Variants in PDZD2 observed in about 807,000 individuals in gnomAD.
PDZD2 encodes the protein PDZ domain-containing protein 2.
PDZD2 carries 90 observed loss-of-function variants against 220.7 expected under a neutral mutation model. The ratio of observed to expected loss-of-function variants is 0.41; its 90% CI spans 0.34 to 0.49. The LOEUF (loss-of-function observed/expected upper bound fraction) is 0.49, where lower values mean the gene tolerates loss of function less well. Among genes scored for constraint, PDZD2 ranks in the 20% least tolerant of loss-of-function variants. The pLI is 0.28. For synonymous variants in PDZD2, 1,375 were observed against 1,450.5 expected (o/e 0.95, Z 1.18); for missense variants, 3,174 against 3,608.5 (o/e 0.88, Z 3.08).
intron 1 of PDZD2, among the ~76,000 whole-genome samples, chr5:31,791,077 T>C (rs538124703): frequency 1.3e-5 from 2 of 152,248 alleles, no homozygotes; most frequent in South Asian, 4.1e-4. Context: ...GGTAATCACA[T>C]TTTTGCCAGC....
At position 32,074,398 on chromosome 5, in the gene PDZD2, C is replaced by T. The variant is rs2112405043; in HGVS notation, c.3292C>T (p.Pro1098Ser). The T allele has an allele frequency of 1.9e-6, 3 of 1,614,120 alleles. No individual in the cohort carries two copies. Among genetic ancestry groups the T allele is most frequent in the Non-Finnish European group, 2.5e-6 (3 of 1,179,984 alleles). ...EYTVRTDTQS[P>S]TNTGSPSSPQ... ...CACAGTCCGTACAGACACCCAGAGT[C>T]CGACGAACACTGGGAGCCCCAGTTC... Residue 1098 changes from proline to serine, a missense_variant, in exon 18 of 25, where the codon CCG (proline) becomes TCG (serine). Physicochemically the swap from Pro to Ser is moderately conservative, Grantham distance 74. Transcript: ENST00000438447.
chr5:31,934,427 C>T (rs113261087), intron 2 of PDZD2, among the ~76,000 whole-genome samples: 235 of 152,082 alleles, frequency 1.5e-3, no homozygotes, highest in African/African-American at 5.4e-3. Flanking sequence ...CTTTCTCTGC[C>T]GCACCAGGGA....
At chr5:31,820,650 A>C (rs971537630) in intron 2 of PDZD2, 2 of 151,700 alleles carry the variant, frequency 1.3e-5, no homozygotes, top group African/African-American at 4.8e-5. Context: ...TGTGATCTTG[A>C]CTATTTTTTT....
chr5:31,898,409 T>C (rs1480431852), intron 2 of PDZD2, among the ~76,000 whole-genome samples: 1 of 152,232 alleles, frequency 6.6e-6, no homozygotes, highest in Non-Finnish European at 1.5e-5. Context: ...AATAAAATGC[T>C]GACACGCCCA....
At chr5:31,828,621 G>A (rs1756372231) in intron 2 of PDZD2, among the ~76,000 whole-genome samples, 1 of 152,002 alleles carries the variant, frequency 6.6e-6, no homozygotes, top group Admixed American at 6.6e-5. Flanking sequence ...TTATTCTCCT[G>A]AATAGCCAGG....
In PDZD2 at chr5:32,012,828, A is replaced by G. The variant is rs530911952; in HGVS notation, c.1407+2346A>G. On this transcript the variant is annotated intron_variant, in intron 6 of 24. Transcript: ENST00000438447. ...TATTAAATATATTACATGTTATATA[A>G]TGTATTTTTATTTAAGTTATTATTT... is the stretch of plus-strand genomic sequence containing the variant. 9.9e-5 allele frequency among the ~76,000 whole-genome samples: 15 copies of G among 151,786 alleles called. No homozygotes were observed. The South Asian group carries it at 1.2e-3, about 13-fold the overall frequency.
chr5:31,964,324 C>A (rs1281100279), intron 2 of PDZD2, among the ~76,000 whole-genome samples: 1 of 152,202 alleles, frequency 6.6e-6, no homozygotes, highest in Non-Finnish European at 1.5e-5. Context: ...GGTAGATGAG[C>A]CTGAGGGACT....
At chr5:32,058,201 C>G in intron 12 of PDZD2, 98 bp downstream of exon 12, 1 of 703,200 alleles carries the variant, frequency 1.4e-6, no homozygotes, top group Non-Finnish European at 2.5e-6. Flanking sequence ...TGAATTATTC[C>G]TTTGGTACAA....
chr5:31,865,454 A>T (rs1307974820), intron 2 of PDZD2, among the ~76,000 whole-genome samples: 2 of 151,690 alleles, frequency 1.3e-5, no homozygotes, highest in East Asian at 3.9e-4. Flanking sequence ...TTGGGACCAC[A>T]GGTGTACACC....
At chr5:31,672,426 A>G (rs1273695206) in intron 1 of PDZD2, among the ~76,000 whole-genome samples, 1 of 152,208 alleles carries the variant, frequency 6.6e-6, no homozygotes, top group African/African-American at 2.4e-5. Context: ...GGATTTGGCC[A>G]GTCCCTCTAG....
At chr5:31,925,719 T>C (rs1228191990) in intron 2 of PDZD2, among the ~76,000 whole-genome samples, 1 of 148,126 alleles carries the variant, frequency 6.8e-6, no homozygotes, top group Non-Finnish European at 1.5e-5. Context: ...CCAACAAAGG[T>C]CTAATACTAG....
chr5:31,870,345 T>C (rs1875494), intron 2 of PDZD2, among the ~76,000 whole-genome samples: 78,502 of 152,098 alleles, frequency 0.52, 20,620 homozygotes, highest in South Asian at 0.58. Context: ...TCTATAAATT[T>C]TCTCACACTG....
At chr5:31,962,074 G>A (rs918119929) in intron 2 of PDZD2, among the ~76,000 whole-genome samples, 3 of 152,204 alleles carry the variant, frequency 2.0e-5, no homozygotes, top group Admixed American at 2.0e-4. Flanking sequence ...AAAGGGCCTT[G>A]TAAGGGTCCT....
At chr5:31,949,574 C>G (rs1746987260) in intron 2 of PDZD2, among the ~76,000 whole-genome samples, 1 of 152,020 alleles carries the variant, frequency 6.6e-6, no homozygotes, top group South Asian at 2.1e-4. Flanking sequence ...CATATCCTAT[C>G]CCATACCCCA....
chr5:31,853,082 T>A (rs7710487), intron 2 of PDZD2, among the ~76,000 whole-genome samples: 3 of 152,120 alleles, frequency 2.0e-5, no homozygotes, highest in Non-Finnish European at 4.4e-5. Context: ...CCCATAAAAC[T>A]TATAGGATGC....
At chr5:31,770,259 C>G (rs1018255022) in intron 1 of PDZD2, among the ~76,000 whole-genome samples, 7 of 152,174 alleles carry the variant, frequency 4.6e-5, no homozygotes, top group Non-Finnish European at 8.8e-5. Context: ...CTGACACCAT[C>G]CTCACACACT....
At chr5:31,871,017 C>T (rs1370938663) in intron 2 of PDZD2, among the ~76,000 whole-genome samples, 1 of 152,046 alleles carries the variant, frequency 6.6e-6, no homozygotes, top group Non-Finnish European at 1.5e-5. Flanking sequence ...AATGCCAATG[C>T]CACTGTAGAC....
At chr5:31,974,701 G>A (rs185050217) in intron 2 of PDZD2, among the ~76,000 whole-genome samples, 3 of 152,268 alleles carry the variant, frequency 2.0e-5, no homozygotes, top group Admixed American at 6.5e-5. Context: ...AGTTCCTTCA[G>A]GGCAGTATGG....
chr5:31,848,518 G>A (rs1020438605), intron 2 of PDZD2, among the ~76,000 whole-genome samples: 1 of 152,222 alleles, frequency 6.6e-6, no homozygotes, highest in Non-Finnish European at 1.5e-5. Context: ...GGAGGCTGAG[G>A]TGGGCAGATC....
Sources: gnomAD v4.1 joint callset for allele counts (sites outside exome capture counted in the v4.1 genomes callset) on GRCh38, gnomAD v4.1.1 for gene constraint, MANE v1.5 for transcripts, NCBI Gene and HGNC (gene_info 2026-07-23, HGNC 2026-07-21) for gene names.